The following YJU2B variants were observed in gnomAD, a reference collection of about 807,000 sequenced individuals.
The protein encoded by YJU2B is probable splicing factor YJU2B.
In YJU2B, 18 loss-of-function variants were observed where a neutral mutation model predicts 38.0. The ratio of observed to expected loss-of-function variants is 0.47; its 90% confidence interval spans 0.33 to 0.70. The LOEUF is 0.70. YJU2B is among the 30% of genes least tolerant of loss of function. YJU2B has a pLI of 0.02. For synonymous variants in YJU2B, 246 were observed against 225.4 expected, an observed-to-expected ratio of 1.09 and a Z score of -0.82; for missense variants, 538 against 556.3, an observed-to-expected ratio of 0.97 and a Z score of 0.33.
At chr19:13,742,415 G>A (rs1973120159) in intron 2 of YJU2B, among the ~76,000 whole-genome samples, 1 of 148,708 alleles carries the variant, frequency 6.7e-6, no homozygotes, top group Non-Finnish European at 1.5e-5. Flanking sequence ...CGATTCTCCT[G>A]CCTCAGCCTC....
At chr19:13,757,343 C>A in intron 4 of YJU2B, 75 bp from the exon 5 acceptor site, 1 of 1,290,600 alleles carries the variant, frequency 7.7e-7, no homozygotes, top group Non-Finnish European at 1.1e-6. Flanking sequence ...ACAACCGCGG[C>A]CAGAGTCGCA....
intron 1 of YJU2B, among the ~76,000 whole-genome samples, chr19:13,748,889 T>G (rs1973349714): frequency 6.6e-6 from 1 of 152,196 alleles, no homozygotes; most frequent in African/African-American, 2.4e-5. Flanking sequence ...ACTTTATAGT[T>G]GGAGGATACA....
At chr19:13,749,167 C>T (rs550646848) in intron 1 of YJU2B, among the ~76,000 whole-genome samples, 2 of 152,268 alleles carry the variant, frequency 1.3e-5, no homozygotes, top group African/African-American at 4.8e-5. Flanking sequence ...CCAGGCCTGG[C>T]CAATTTTTGT....
chr19:13,745,682 G>GATAGATAGATAGATAGAC (rs1555699802), upstream of YJU2B, among the ~76,000 whole-genome samples: 1 of 43,956 alleles, frequency 2.3e-5, no homozygotes, highest in Admixed American at 2.1e-4. Context: ...TAGATAGATA[G>GATAGATAGATAGATAGAC]ATAGATAGAT....
chr19:13,757,515 G>A (rs772217178), intron 5 of YJU2B, 42 bp downstream of exon 5: 1 of 1,362,728 alleles, frequency 7.3e-7, no homozygotes, highest in Non-Finnish European at 1.0e-6. Flanking sequence ...GCAAACATCA[G>A]ACCCCCTAAC....
chr19:13,742,388 C>T (rs8104839), intron 2 of YJU2B, among the ~76,000 whole-genome samples: 44,932 of 150,514 alleles, frequency 0.3, 7,111 homozygotes, highest in Middle Eastern at 0.52. Flanking sequence ...CTGCAACCTC[C>T]GCCTCCCGGG....
At chr19:13,740,615 G>A (rs1973068272) in intron 2 of YJU2B, among the ~76,000 whole-genome samples, 1 of 152,106 alleles carries the variant, frequency 6.6e-6, no homozygotes, top group Non-Finnish European at 1.5e-5. Context: ...TTGGCTCACT[G>A]CAACCTCTGC....
rs752521873 is a variant in YJU2B at position 13,758,865 on chromosome 19, C to G, written c.258-3C>G. 3.1e-6 allele frequency: 5 copies of G among 1,613,810 alleles called. No homozygotes were observed. Among genetic ancestry groups the G allele is most frequent in the Admixed American group, 1.7e-5 (1 of 59,964 alleles). Reference sequence around the variant, plus strand: ...CTGACTCCTGCCCACCGCTCCCTCCCAGGTTCCGGATGAAATGCCACCTCT... The same window carrying G: ...CTGACTCCTGCCCACCGCTCCCTCCGAGGTTCCGGATGAAATGCCACCTCT... On this transcript the variant is annotated splice_polypyrimidine_tract_variant and splice_region_variant and intron_variant, in intron 6 of 9. Transcript: ENST00000221554.
chr19:13,733,276 C>T (rs971325912), intron 2 of YJU2B, among the ~76,000 whole-genome samples: 5 of 151,958 alleles, frequency 3.3e-5, no homozygotes, highest in African/African-American at 9.7e-5. Context: ...CTTAGTCAAA[C>T]GGCCCACCAA....
upstream of YJU2B, among the ~76,000 whole-genome samples, chr19:13,747,578 C>A (rs1293197597): frequency 6.6e-6 from 1 of 152,248 alleles, no homozygotes; most frequent in African/African-American, 2.4e-5. Flanking sequence ...TCAAGCAATT[C>A]TTTTGCCTCA....
At chr19:13,756,172 T>C (rs1170864086) in intron 3 of YJU2B, 25 bp from the exon 4 acceptor site, 2 of 1,600,662 alleles carry the variant, frequency 1.2e-6, no homozygotes, top group East Asian at 2.2e-5. Context: ...GCAGCACTAA[T>C]CCGCTCCTCA....
In YJU2B at chr19:13,763,145, C is replaced by G; in HGVS notation, c.*77C>G. 1 of 1,249,592 alleles carries G rather than the reference C, an allele frequency of 8.0e-7. No individual in the cohort carries two copies. Among genetic ancestry groups the G allele is most frequent in the Non-Finnish European group, 1.1e-6 (1 of 907,904 alleles). The allele number at this position is 1,249,592 out of a possible 1,614,324, so 77.4% of individuals were successfully genotyped here. A position where few individuals can be genotyped will look rare whatever the true frequency, so the allele number is the denominator to read the frequency against. On this transcript the variant is annotated 3_prime_UTR_variant, in exon 10 of 10. Transcript: ENST00000221554. Reference sequence around the variant, plus strand: ...GGAGGCCCCTCACAGACTGCAGACCCCCGGCTCGCCCACCAGCCCTGGGAG... The same window carrying G: ...GGAGGCCCCTCACAGACTGCAGACCGCCGGCTCGCCCACCAGCCCTGGGAG...
chr19:13,745,747 A>ATC (rs1973230394), upstream of YJU2B, among the ~76,000 whole-genome samples: 3 of 143,170 alleles, frequency 2.1e-5, no homozygotes, highest in South Asian at 4.2e-4. Flanking sequence ...ATATATAGAT[A>ATC]TATATATATA....
At chr19:13,741,177 G>A (rs1051322491) in intron 2 of YJU2B, among the ~76,000 whole-genome samples, 5 of 142,030 alleles carry the variant, frequency 3.5e-5, no homozygotes, top group African/African-American at 8.1e-5. Context: ...TTTTTGAGAC[G>A]GAGTTTCGCT....
intron 8 of YJU2B, 194 bp downstream of exon 8, chr19:13,759,466 G>A (rs191906939): frequency 3.5e-4 from 189 of 540,806 alleles, no homozygotes; most frequent in African/African-American, 3.4e-3. Flanking sequence ...ACCATAGACA[G>A]AAACAGTAGA....
At chr19:13,740,698 G>A (rs1214047014) in intron 2 of YJU2B, among the ~76,000 whole-genome samples, 3 of 152,060 alleles carry the variant, frequency 2.0e-5, no homozygotes, top group East Asian at 1.9e-4. Flanking sequence ...CACCACGCCC[G>A]GCTAATCTTT....
intron 1 of YJU2B, among the ~76,000 whole-genome samples, chr19:13,750,062 G>A (rs908342743): frequency 6.6e-6 from 1 of 152,114 alleles, no homozygotes; most frequent in Non-Finnish European, 1.5e-5. Context: ...AGTTATCTCA[G>A]TTGTTTACCC....
chr19:13,755,416 A>C (rs2145147784), intron 3 of YJU2B, among the ~76,000 whole-genome samples: 1 of 149,918 alleles, frequency 6.7e-6, no homozygotes. Context: ...AGCCGAGATC[A>C]CGCCACTGCA....
rs1357188379 is a variant in YJU2B at position 13,751,593 on chromosome 19, T to A, written c.-201-15T>A. On this transcript the variant is annotated splice_polypyrimidine_tract_variant and intron_variant, in intron 1 of 9. Transcript: ENST00000221554. ...ATTGGCTGTAGAGTGGACGGGACTC[T>A]CTCTTTCTAAACAGACACGCCGCTT... 2 of 586,458 alleles carry A rather than the reference T, an allele frequency of 3.4e-6. 1 individual carries two copies. The highest frequency in any genetic ancestry group is 3.7e-5 in the African/African-American group (2 of 53,564). 36.3% of individuals were successfully genotyped at this position (586,458 alleles called of 1,614,324 possible). A position where few individuals can be genotyped will look rare whatever the true frequency, so the allele number is the denominator to read the frequency against.
Sources: gnomAD v4.1 joint callset for allele counts (sites outside exome capture counted in the v4.1 genomes callset) on GRCh38, gnomAD v4.1.1 for gene constraint, MANE v1.5 for transcripts, NCBI Gene and HGNC (gene_info 2026-07-23, HGNC 2026-07-21) for gene names.